Variants in CDKL4 observed in about 807,000 individuals in gnomAD.
CDKL4 encodes cyclin-dependent kinase-like 4.
CDKL4 carries 44 observed loss-of-function variants against 42.0 expected under a neutral mutation model. That is an observed-to-expected ratio of 1.05 (90% confidence interval 0.82 to 1.35). The LOEUF is 1.35. CDKL4 is among the 40% of genes most tolerant of loss of function. The pLI, the probability that CDKL4 is intolerant of heterozygous loss-of-function variation, is 0.00. For synonymous variants in CDKL4, 120 were observed against 121.6 expected, an observed-to-expected ratio of 0.99 and a Z score of 0.09; for missense variants, 393 against 369.9, an observed-to-expected ratio of 1.06 and a Z score of -0.51.
At chr2:39,199,331 G>C (rs1350399094) in intron 5 of CDKL4, among the ~76,000 whole-genome samples, 1 of 151,908 alleles carries the variant, frequency 6.6e-6, no homozygotes, top group African/African-American at 2.4e-5. Flanking sequence ...GAAGCAGCGA[G>C]ATTGAAATGA....
In CDKL4 at chr2:39,204,670, A is replaced by G; in HGVS notation, c.364-53T>C. 3 of 956,970 alleles carry G rather than the reference A, an allele frequency of 3.1e-6. No individual in the cohort carries two copies. The East Asian group carries it at 7.4e-5, about 23-fold the overall frequency. The allele number at this position is 956,970 out of a possible 1,614,324, so 59.3% of individuals were successfully genotyped here. On this transcript the variant is annotated intron_variant, in intron 4 of 9. Coordinates refer to ENST00000451199, the Ensembl canonical transcript of CDKL4. ...CTGAACCATCAAAATGACAAAGAAT[A>G]AACATTAACTACTAGTTTAAATAAC...
intron 2 of CDKL4, 148 bp from the exon 3 acceptor site, chr2:39,226,108 C>G (rs1478520009): frequency 1.6e-6 from 1 of 623,604 alleles, no homozygotes; most frequent in East Asian, 3.3e-5. Context: ...TTGAATCTCT[C>G]TGGTGATAGC....
At position 39,224,026 on chromosome 2, in the gene CDKL4, GT is replaced by G. The variant is rs575380993; in HGVS notation, c.290+1812del. Among the ~76,000 whole-genome samples the G allele has an allele frequency of 1.6e-4, 25 of 152,048 alleles. No homozygotes were observed. In the East Asian group the frequency reaches 2.5e-3, roughly 15 times the overall value. Reference sequence around the variant, plus strand: ...GGGTGCACAGTCTACATTTATGAAAGTTTTTTTTGAATAAATATATTTATTA... The same window carrying G: ...GGGTGCACAGTCTACATTTATGAAAGTTTTTTTGAATAAATATATTTATTA... On this transcript the variant is annotated intron_variant, in intron 3 of 9. Coordinates refer to ENST00000451199, the Ensembl canonical transcript of CDKL4.
intron 1 of CDKL4, among the ~76,000 whole-genome samples, chr2:39,237,177 A>C (rs1679419315): frequency 6.6e-6 from 1 of 152,230 alleles, no homozygotes; most frequent in East Asian, 1.9e-4. Context: ...TAGCAAACCA[A>C]ATCTGGAAAC....
chr2:39,222,539 G>A (rs529479322), intron 3 of CDKL4, among the ~76,000 whole-genome samples: 54 of 152,150 alleles, frequency 3.5e-4, no homozygotes, highest in African/African-American at 1.2e-3. Flanking sequence ...GCAGTGAGCC[G>A]AGATCGCCCC....
intron 7 of CDKL4, 131 bp downstream of exon 7, chr2:39,187,496 G>T: frequency 1.6e-6 from 1 of 614,586 alleles, no homozygotes; most frequent in South Asian, 2.2e-5. Context: ...AGTGAGCCAT[G>T]ACCTTGCCAC....
intron 1 of CDKL4, among the ~76,000 whole-genome samples, chr2:39,231,127 T>G (rs7569441): frequency 0.79 from 119,435 of 151,994 alleles, 49,067 homozygotes; most frequent in Non-Finnish European, 0.92. Flanking sequence ...CAGGAGAATC[T>G]CTTGAACCCT....
At chr2:39,197,303 G>T (rs1676574825) in intron 5 of CDKL4, among the ~76,000 whole-genome samples, 1 of 152,116 alleles carries the variant, frequency 6.6e-6, no homozygotes, top group South Asian at 2.1e-4. Flanking sequence ...TTAAAAAAAT[G>T]AACAAAGCCT....
chr2:39,187,074 G>A (rs779938194), intron 7 of CDKL4, among the ~76,000 whole-genome samples: 3 of 152,028 alleles, frequency 2.0e-5, no homozygotes, highest in Middle Eastern at 3.4e-3. Flanking sequence ...GGATCATGAC[G>A]GGGGTTCCTC....
In CDKL4 at chr2:39,243,113, C is replaced by CAAAAAA. The variant is rs57132937; in HGVS notation, c.-57+752_-57+757dup. On this transcript the variant is annotated intron_variant, in intron 1 of 9. Transcript: ENST00000451199. ...TGGGGAACAAAGTGAGACCCTGTCT[C>CAAAAAA]AAAAAAAAAAAAAAAAAAAAAAAAA... Among the ~76,000 whole-genome samples, 25 of 38,442 alleles carry CAAAAAA rather than the reference C, an allele frequency of 6.5e-4. 1 individual carries two copies. The highest frequency in any genetic ancestry group is 7.9e-4 in the Non-Finnish European group (20 of 25,428). 25.2% of individuals were successfully genotyped at this position (38,442 alleles called of 152,430 possible).
rs559141462 is a variant in CDKL4 at position 39,220,073 on chromosome 2, T to C, written c.290+5766A>G. On this transcript the variant is annotated intron_variant, in intron 3 of 9. Coordinates refer to ENST00000451199, the Ensembl canonical transcript of CDKL4. ...GACAATAACCCTGCAGGGTGCTCAA[T>C]GACAACAAAGACTGAATTTATGTGA... Among the ~76,000 whole-genome samples, 27 of 152,226 alleles carry C rather than the reference T, an allele frequency of 1.8e-4. No homozygotes were observed. In the South Asian group the frequency reaches 5.4e-3, roughly 30 times the overall value.
intron 2 of CDKL4, among the ~76,000 whole-genome samples, chr2:39,227,757 T>C (rs190089157): frequency 3.9e-5 from 6 of 152,340 alleles, no homozygotes; most frequent in Admixed American, 6.5e-5. Context: ...GATTTACAGA[T>C]ACTACAGTTT....
At chr2:39,199,617 G>C (rs1676727532) in intron 5 of CDKL4, among the ~76,000 whole-genome samples, 1 of 152,100 alleles carries the variant, frequency 6.6e-6, no homozygotes, top group African/African-American at 2.4e-5. Context: ...AAATCCAACA[G>C]CATGTCAAAA....
chr2:39,230,865 G>C (rs1679057010), intron 1 of CDKL4, among the ~76,000 whole-genome samples: 1 of 152,164 alleles, frequency 6.6e-6, no homozygotes. Context: ...AGATTTCAAA[G>C]AACACAATTT....
At chr2:39,184,748 A>G in intron 7 of CDKL4, 101 bp from the exon 8 acceptor site, 7 of 668,380 alleles carry the variant, frequency 1.0e-5, no homozygotes, top group South Asian at 1.8e-5. Context: ...GTGTGTGTGT[A>G]TTTAGAGATA....
intron 5 of CDKL4, among the ~76,000 whole-genome samples, chr2:39,191,628 T>A (rs983270431): frequency 2.0e-5 from 3 of 152,232 alleles, no homozygotes; most frequent in Non-Finnish European, 4.4e-5. Flanking sequence ...TATCCAAATG[T>A]GACCCACTGT....
At chr2:39,223,428 C>T (rs1465603276) in intron 3 of CDKL4, among the ~76,000 whole-genome samples, 1 of 152,072 alleles carries the variant, frequency 6.6e-6, no homozygotes, top group Admixed American at 6.5e-5. Flanking sequence ...GTCTGATTCC[C>T]TGACTGTTGA....
At chr2:39,197,221 AG>A (rs1572967372) in intron 5 of CDKL4, among the ~76,000 whole-genome samples, 1 of 152,238 alleles carries the variant, frequency 6.6e-6, no homozygotes, top group East Asian at 1.9e-4. Flanking sequence ...CACAAGTTCA[AG>A]AAAGAACTTC....
chr2:39,229,338 T>G (rs764422054), intron 2 of CDKL4, 27 bp downstream of exon 2: 2 of 1,447,936 alleles, frequency 1.4e-6, no homozygotes, highest in Admixed American at 2.3e-5. Flanking sequence ...TTCCATGATA[T>G]TTTACATATA....
Sources: gnomAD v4.1 joint callset for allele counts (sites outside exome capture counted in the v4.1 genomes callset) on GRCh38, gnomAD v4.1.1 for gene constraint, MANE v1.5 for transcripts, NCBI Gene and HGNC (gene_info 2026-07-23, HGNC 2026-07-21) for gene names.